Variants in CDH13 observed in about 807,000 individuals in gnomAD.
CDH13 encodes cadherin 13.
Under a neutral mutation model 63.8 loss-of-function variants are expected in CDH13, and 24 were observed. The observed-to-expected ratio is 0.38, with a 90% CI of 0.27 to 0.53. CDH13 has a LOEUF of 0.53. Ranked by LOEUF, CDH13 falls within the 20% of genes least tolerant of loss-of-function variation. The probability of loss-of-function intolerance (pLI) is 0.85; values close to 1 mark genes in which losing one functional copy is unlikely to be tolerated. For synonymous variants in CDH13, 503 were observed against 355.3 expected (o/e 1.42, Z -4.67); for missense variants, 1,049 against 903.1 (o/e 1.16, Z -2.07).
chr16:83,212,929 G>C (rs1051210627), intron 4 of CDH13, among the ~76,000 whole-genome samples: 3 of 152,162 alleles, frequency 2.0e-5, no homozygotes, highest in Non-Finnish European at 4.4e-5. Context: ...GGCCCCTACT[G>C]GAAGTGACAC....
At chr16:83,412,846 G>A (rs2092147965) in intron 6 of CDH13, among the ~76,000 whole-genome samples, 1 of 152,230 alleles carries the variant, frequency 6.6e-6, no homozygotes, top group Non-Finnish European at 1.5e-5. Flanking sequence ...GCAGCTTTGG[G>A]AAATTCCCAG....
At position 82,627,047 on chromosome 16, in the gene CDH13, C is replaced by T. The variant is rs370244769; in HGVS notation, c.-46C>T. 6.4e-7 allele frequency: 1 copy of T among 1,569,854 alleles called. No individual in the cohort carries two copies. Among genetic ancestry groups the T allele is most frequent in the Non-Finnish European group, 8.6e-7 (1 of 1,157,022 alleles). On this transcript the variant is annotated 5_prime_UTR_variant, in exon 1 of 14. Transcript: ENST00000567109. ...CCACGGAAAATATGCTCAGTGCAGCCGCGTGCATGAATGAAAACGCCGCCG... is the reference window on the plus strand; with the variant it reads ...CCACGGAAAATATGCTCAGTGCAGCTGCGTGCATGAATGAAAACGCCGCCG...
chr16:83,547,318 T>C (rs751610127), intron 7 of CDH13, among the ~76,000 whole-genome samples: 4 of 152,220 alleles, frequency 2.6e-5, no homozygotes, highest in Non-Finnish European at 5.9e-5. Context: ...TTTTTAGCTT[T>C]CATTTTAGTT....
intron 2 of CDH13, among the ~76,000 whole-genome samples, chr16:83,021,826 A>G (rs573186714): frequency 7.2e-5 from 11 of 152,326 alleles, no homozygotes; most frequent in African/African-American, 2.6e-4. Context: ...TGCTGACTCT[A>G]GGCCAAACAT....
At chr16:83,438,848 C>G (rs2072399911) in intron 6 of CDH13, among the ~76,000 whole-genome samples, 2 of 152,206 alleles carry the variant, frequency 1.3e-5, no homozygotes, top group Admixed American at 1.3e-4. Flanking sequence ...ACAGAACAAT[C>G]TAAACTGCAG....
At chr16:82,862,536 A>G (rs2039984287) in intron 2 of CDH13, among the ~76,000 whole-genome samples, 1 of 148,406 alleles carries the variant, frequency 6.7e-6, no homozygotes, top group African/African-American at 2.5e-5. Flanking sequence ...CTCATTGGCC[A>G]CATAGCCACC....
intron 7 of CDH13, among the ~76,000 whole-genome samples, chr16:83,532,950 C>T (rs930558805): frequency 6.6e-6 from 1 of 152,234 alleles, no homozygotes; most frequent in Non-Finnish European, 1.5e-5. Flanking sequence ...GTCCTTCAGC[C>T]ACCAGCTGTT....
chr16:83,518,003 A>C (rs1473508761), intron 7 of CDH13, among the ~76,000 whole-genome samples: 1 of 152,104 alleles, frequency 6.6e-6, no homozygotes, highest in Non-Finnish European at 1.5e-5. Flanking sequence ...CTGTGTCCCC[A>C]CCCAAATCTC....
At chr16:83,554,952 C>T (rs919943049) in intron 7 of CDH13, among the ~76,000 whole-genome samples, 2 of 148,280 alleles carry the variant, frequency 1.3e-5, no homozygotes, top group African/African-American at 4.9e-5. Context: ...AGAACCTCTC[C>T]CTCTTTGTTA....
intron 6 of CDH13, among the ~76,000 whole-genome samples, chr16:83,390,883 C>G (rs546251766): frequency 6.6e-6 from 1 of 152,324 alleles, no homozygotes; most frequent in East Asian, 1.9e-4. Context: ...TGAGCAGAGG[C>G]CAGTCAAATC....
chr16:83,591,601 T>C (rs1267080984), intron 7 of CDH13, among the ~76,000 whole-genome samples: 1 of 152,190 alleles, frequency 6.6e-6, no homozygotes, highest in Non-Finnish European at 1.5e-5. Context: ...TCTCCACTCT[T>C]ATTCCCAGGC....
At chr16:83,389,864 G>T (rs573224195) in intron 6 of CDH13, among the ~76,000 whole-genome samples, 7 of 152,220 alleles carry the variant, frequency 4.6e-5, no homozygotes, top group Non-Finnish European at 1.0e-4. Context: ...AATCTACGAA[G>T]AACATTGCCC....
intron 3 of CDH13, among the ~76,000 whole-genome samples, chr16:83,057,188 A>G (rs1412276442): frequency 6.6e-6 from 1 of 152,056 alleles, no homozygotes; most frequent in Non-Finnish European, 1.5e-5. Context: ...GATGGTCTTG[A>G]TCTCCTGACC....
intron 1 of CDH13, among the ~76,000 whole-genome samples, chr16:82,658,981 T>G (rs142224847): frequency 2.0e-5 from 3 of 152,312 alleles, no homozygotes; most frequent in Admixed American, 2.0e-4. Flanking sequence ...TGACTCTATG[T>G]CTTGTGCTGA....
chr16:83,750,120 A>T (rs2150974391), intron 11 of CDH13, among the ~76,000 whole-genome samples: 1 of 152,270 alleles, frequency 6.6e-6, no homozygotes, highest in South Asian at 2.1e-4. Flanking sequence ...ATATGGTGAA[A>T]CCCCATCTCT....
intron 8 of CDH13, among the ~76,000 whole-genome samples, chr16:83,654,129 G>C (rs1912651981): frequency 6.6e-6 from 1 of 152,096 alleles, no homozygotes; most frequent in Admixed American, 6.5e-5. Flanking sequence ...AGTGTGGATA[G>C]AGGATGAATG....
intron 2 of CDH13, among the ~76,000 whole-genome samples, chr16:82,874,566 C>A (rs1350399483): frequency 6.6e-6 from 1 of 152,002 alleles, no homozygotes; most frequent in Non-Finnish European, 1.5e-5. Flanking sequence ...TGAAGACCTC[C>A]CAGAGGATCT....
At chr16:83,577,417 G>T (rs1905161401) in intron 7 of CDH13, among the ~76,000 whole-genome samples, 1 of 152,194 alleles carries the variant, frequency 6.6e-6, no homozygotes, top group African/African-American at 2.4e-5. Flanking sequence ...GCAGCTGTTG[G>T]GTCCAGCTCT....
At chr16:82,745,520 C>G (rs2034123050) in intron 1 of CDH13, among the ~76,000 whole-genome samples, 1 of 152,134 alleles carries the variant, frequency 6.6e-6, no homozygotes, top group South Asian at 2.1e-4. Context: ...AGGAGAATCA[C>G]TTGAACACGG....
Sources: gnomAD v4.1 joint callset for allele counts (sites outside exome capture counted in the v4.1 genomes callset) on GRCh38, gnomAD v4.1.1 for gene constraint, MANE v1.5 for transcripts, NCBI Gene and HGNC (gene_info 2026-07-23, HGNC 2026-07-21) for gene names.